The following BDNF variants were observed in gnomAD, a reference collection of about 807,000 sequenced individuals.
BDNF encodes brain derived neurotrophic factor.
BDNF carries 1 observed loss-of-function variant against 19.5 expected under a neutral mutation model. The observed-to-expected ratio is 0.05, with a 90% CI of 0.02 to 0.24. The LOEUF (loss-of-function observed/expected upper bound fraction) is 0.24. Ranked by LOEUF, BDNF falls within the 10% of genes least tolerant of loss-of-function variation. The probability of loss-of-function intolerance (pLI) is 1.00; values close to 1 mark genes in which losing one functional copy is unlikely to be tolerated. For synonymous variants in BDNF, 100 were observed against 121.6 expected (o/e 0.82, Z 1.17); for missense variants, 195 against 317.6 (o/e 0.61, Z 2.93).
chr11:27,673,886 A>G (rs1284411751), intron 1 of BDNF, among the ~76,000 whole-genome samples: 3 of 152,320 alleles, frequency 2.0e-5, no homozygotes, highest in East Asian at 1.9e-4. Context: ...TCTGAAATAC[A>G]TAGAGCATTA....
Position 27,708,978 on chromosome 11 carries a change from G to A in BDNF, c.3+12434C>T, listed in dbSNP as rs976910880. Among the ~76,000 whole-genome samples, 79 of 151,900 alleles carry A rather than the reference G, an allele frequency of 5.2e-4. 1 individual carries two copies. The highest frequency in any genetic ancestry group is 3.4e-3 in the Middle Eastern group (1 of 294). ...CAAGTAGCTGGGATTACAGGCATGC[G>A]CCACCACACTTGGCTCATTTTTTAA... On this transcript the variant is annotated intron_variant, in intron 1 of 1. Coordinates refer to the BDNF transcript ENST00000314915.
At chr11:27,711,268 C>T (rs1051056497) in intron 1 of BDNF, among the ~76,000 whole-genome samples, 1 of 152,114 alleles carries the variant, frequency 6.6e-6, no homozygotes, top group Admixed American at 6.6e-5. Flanking sequence ...AGAATGCTCA[C>T]CATAGTGAGC....
At chr11:27,704,744 C>A (rs540850338), upstream of BDNF, among the ~76,000 whole-genome samples, 8 of 152,290 alleles carry the variant, frequency 5.3e-5, no homozygotes, top group African/African-American at 1.9e-4. Context: ...CACTCGCAAT[C>A]CTTGAAATTC....
At chr11:27,676,620 T>A (rs1856151843) in intron 1 of BDNF, among the ~76,000 whole-genome samples, 1 of 152,230 alleles carries the variant, frequency 6.6e-6, no homozygotes, top group Non-Finnish European at 1.5e-5. Context: ...AAGGAAAAAG[T>A]CTAGCAATAA....
chr11:27,701,051 T>C, upstream of BDNF: 1 of 1,353,722 alleles, frequency 7.4e-7, no homozygotes, highest in Non-Finnish European at 9.8e-7. Context: ...GCTATTGGTT[T>C]ACTCTGCTGC....
intron 1 of BDNF, among the ~76,000 whole-genome samples, chr11:27,683,125 A>G (rs754571080): frequency 3.3e-5 from 5 of 152,134 alleles, no homozygotes; most frequent in Non-Finnish European, 7.4e-5. Flanking sequence ...ATGGTATCTC[A>G]CTGTGGTTTT....
rs1001574805 is a variant in BDNF, at chr11:27,675,684, T to C, written c.-21-17099A>G. On this transcript the variant is annotated intron_variant, in intron 1 of 1. Coordinates refer to ENST00000356660, the MANE Select transcript of BDNF (RefSeq NM_001709.5). ...CGGGAATGTGGCTAAGGGGCTAAGATGTGACTTGAAAAGAAAGGTAGAACA... is the reference window on the plus strand; with the variant it reads ...CGGGAATGTGGCTAAGGGGCTAAGACGTGACTTGAAAAGAAAGGTAGAACA... 2.6e-5 allele frequency: 4 copies of C among 152,102 alleles called. No individual in the cohort carries two copies. The East Asian group carries it at 7.7e-4, about 29-fold the overall frequency. 9.4% of individuals were successfully genotyped at this position (152,102 alleles called of 1,614,324 possible).
chr11:27,714,660 C>T (rs11030121), intron 1 of BDNF, among the ~76,000 whole-genome samples: 51,169 of 151,720 alleles, frequency 0.34, 9,263 homozygotes, highest in African/African-American at 0.46. Flanking sequence ...TAAAAATTTG[C>T]GGTACCCACC....
At chr11:27,700,904 C>A (rs1859854639), upstream of BDNF, 2 of 1,317,162 alleles carry the variant, frequency 1.5e-6, no homozygotes, top group South Asian at 1.2e-5. Context: ...CAACTCTCCC[C>A]TTCCTCCCCA....
chr11:27,699,710 C>T lies in BDNF; in HGVS notation c.-22+454G>A, dbSNP rs1474696787. Reference sequence around the variant, plus strand: ...ATGCGGGCTGAAGGCGCAAGCTTCCCTCCCACTCCCCCCGCAAGTCGGCGC... The same window carrying T: ...ATGCGGGCTGAAGGCGCAAGCTTCCTTCCCACTCCCCCCGCAAGTCGGCGC... On this transcript the variant is annotated intron_variant, in intron 1 of 1. Coordinates refer to ENST00000356660, the MANE Select transcript of BDNF (RefSeq NM_001709.5). 4.3e-6 allele frequency: 6 copies of T among 1,388,902 alleles called. No homozygotes were observed. The Admixed American group carries it at 1.5e-4, about 35-fold the overall frequency. The allele number at this position is 1,388,902 out of a possible 1,614,324, so 86.0% of individuals were successfully genotyped here. A position where few individuals can be genotyped will look rare whatever the true frequency, so the allele number is the denominator to read the frequency against.
intron 1 of BDNF, among the ~76,000 whole-genome samples, chr11:27,694,344 C>T (rs1367070336): frequency 6.6e-6 from 1 of 152,138 alleles, no homozygotes; most frequent in Non-Finnish European, 1.5e-5. Context: ...ACCTTTTCCT[C>T]CAATTTCTGC....
chr11:27,714,315 CT>C (rs1860439298), intron 1 of BDNF, among the ~76,000 whole-genome samples: 1 of 152,158 alleles, frequency 6.6e-6, no homozygotes, highest in Non-Finnish European at 1.5e-5. Flanking sequence ...TTTCTTTTGG[CT>C]TGTCCATCTA....
Position 27,657,048 on chromosome 11 carries a change from G to T in BDNF, c.*773C>A. 1 of 985,556 alleles carries T rather than the reference G, an allele frequency of 1.0e-6. No individual in the cohort carries two copies. Among genetic ancestry groups the T allele is most frequent in the Non-Finnish European group, 1.2e-6 (1 of 829,998 alleles). 61.1% of individuals were successfully genotyped at this position (985,556 alleles called of 1,614,324 possible). ...ACGCCCAAAGAATGAGCGGGGCCTG[G>T]GAGGTGCATCACGGGATGTGGAGTG... On this transcript the variant is annotated 3_prime_UTR_variant, in exon 2 of 2. Transcript: ENST00000356660. This position sits in a 1 kb window ranked among gnomAD's most constrained non-coding sequence, Gnocchi z 5.0.
At chr11:27,720,655 G>C in intron 1 of BDNF, 2 of 985,428 alleles carry the variant, frequency 2.0e-6, no homozygotes, top group Non-Finnish European at 2.4e-6. Context: ...TGGGGGTACC[G>C]CCACCTCGGA....
intron 1 of BDNF, among the ~76,000 whole-genome samples, chr11:27,662,026 A>G (rs527530645): frequency 2.0e-4 from 30 of 152,116 alleles, no homozygotes; most frequent in African/African-American, 6.3e-4. Flanking sequence ...TTCCCAAGAC[A>G]GAGTCTTGCT....
chr11:27,716,003 A>G (rs1048321980), intron 1 of BDNF, among the ~76,000 whole-genome samples: 1 of 152,202 alleles, frequency 6.6e-6, no homozygotes, highest in African/African-American at 2.4e-5. Context: ...CTGAATTTTT[A>G]AAAAGTCAGA....
At chr11:27,681,075 T>G (rs927852005) in intron 1 of BDNF, among the ~76,000 whole-genome samples, 1 of 152,188 alleles carries the variant, frequency 6.6e-6, no homozygotes, top group Non-Finnish European at 1.5e-5. Context: ...GCCTAGAATA[T>G]TCCCCTGAAA....
intron 1 of BDNF, among the ~76,000 whole-genome samples, chr11:27,678,465 G>A (rs1236626955): frequency 1.3e-5 from 2 of 152,226 alleles, no homozygotes; most frequent in Non-Finnish European, 2.9e-5. Context: ...GGAAGATGTG[G>A]TTAAATGACT....
chr11:27,665,087 T>C (rs1017311710), intron 1 of BDNF, among the ~76,000 whole-genome samples: 2 of 152,232 alleles, frequency 1.3e-5, no homozygotes, highest in African/African-American at 4.8e-5. Flanking sequence ...CCTCTTCAAT[T>C]AGAATTCTGT....
Sources: gnomAD v4.1 joint callset for allele counts (sites outside exome capture counted in the v4.1 genomes callset) on GRCh38, gnomAD v4.1.1 for gene constraint, Gnocchi (gnomAD v3.1) non-coding constraint, MANE v1.5 for transcripts, NCBI Gene and HGNC (gene_info 2026-07-23, HGNC 2026-07-21) for gene names.